Variants in ASTN2 observed in about 807,000 individuals in gnomAD.
The protein encoded by ASTN2 is astrotactin-2.
Under a neutral mutation model 139.8 loss-of-function variants are expected in ASTN2, and 54 were observed. That is an observed-to-expected ratio of 0.39 (90% CI 0.31 to 0.48). The LOEUF (loss-of-function observed/expected upper bound fraction) is 0.48. ASTN2 is among the 20% of genes least tolerant of loss of function. ASTN2 has a pLI of 0.95. For synonymous variants in ASTN2, 756 were observed against 719.5 expected (o/e 1.05, Z -0.81); for missense variants, 1,565 against 1,725.1 (o/e 0.91, Z 1.64).
At chr9:116,679,483 G>C (rs11791734) in intron 16 of ASTN2, among the ~76,000 whole-genome samples, 1 of 152,074 alleles carries the variant, frequency 6.6e-6, no homozygotes, top group Non-Finnish European at 1.5e-5. Context: ...ATATGACTTA[G>C]TATATGTTAT....
chr9:117,191,352 A>C (rs1831343985), intron 3 of ASTN2, among the ~76,000 whole-genome samples: 1 of 152,186 alleles, frequency 6.6e-6, no homozygotes, highest in Admixed American at 6.5e-5. Flanking sequence ...TGCAAGATAG[A>C]AAACAATAAT....
At chr9:117,326,613 T>C (rs918459020) in intron 1 of ASTN2, among the ~76,000 whole-genome samples, 3 of 152,154 alleles carry the variant, frequency 2.0e-5, no homozygotes, top group Non-Finnish European at 4.4e-5. Context: ...CTTGCTTTGA[T>C]AGAAGAATCA....
intron 2 of ASTN2, among the ~76,000 whole-genome samples, chr9:117,284,403 C>A (rs973058583): frequency 6.6e-6 from 1 of 152,240 alleles, no homozygotes; most frequent in African/African-American, 2.4e-5. Context: ...CCGCACCTGG[C>A]CTCTGGTGTC....
intron 10 of ASTN2, among the ~76,000 whole-genome samples, chr9:116,961,451 A>T (rs1161382677): frequency 2.6e-5 from 4 of 152,174 alleles, no homozygotes; most frequent in African/African-American, 9.7e-5. Flanking sequence ...AGTACCTCAT[A>T]TAAGTGGAAT....
chr9:117,220,859 T>C (rs1410282179), intron 2 of ASTN2, among the ~76,000 whole-genome samples: 1 of 152,186 alleles, frequency 6.6e-6, no homozygotes, highest in Non-Finnish European at 1.5e-5. Flanking sequence ...CATTCAGCTG[T>C]CTAAGCTTGG....
chr9:117,334,299 G>A (rs1828805507), intron 1 of ASTN2, among the ~76,000 whole-genome samples: 1 of 152,120 alleles, frequency 6.6e-6, no homozygotes, highest in Admixed American at 6.5e-5. Context: ...TGTAGGAACT[G>A]TCCATGGTGG....
At chr9:117,296,295 AAAAAAAAAGAAAGAAAG>A (rs1834734003) in intron 1 of ASTN2, among the ~76,000 whole-genome samples, 1 of 149,452 alleles carries the variant, frequency 6.7e-6, no homozygotes, top group Non-Finnish European at 1.5e-5. Flanking sequence ...AAAAAAAAAA[AAAAAAAAAGAAAGAAAG>A]AAAGAAAGAA....
chr9:117,149,992 G>T (rs1029942238), intron 3 of ASTN2, among the ~76,000 whole-genome samples: 3 of 152,204 alleles, frequency 2.0e-5, no homozygotes, highest in Admixed American at 2.0e-4. Flanking sequence ...GGAAAACTTG[G>T]GAATAGCCTT....
intron 16 of ASTN2, among the ~76,000 whole-genome samples, chr9:116,682,646 A>G (rs1207260385): frequency 6.6e-6 from 1 of 152,212 alleles, no homozygotes; most frequent in African/African-American, 2.4e-5. Flanking sequence ...ACAATGATAG[A>G]CTGGATTAAG....
intron 3 of ASTN2, among the ~76,000 whole-genome samples, chr9:117,144,101 G>T (rs1251177663): frequency 2.6e-5 from 4 of 152,166 alleles, no homozygotes; most frequent in South Asian, 2.1e-4. Context: ...TTATAAACAG[G>T]GTAAGAAAGA....
At chr9:117,119,902 T>C (rs1018180620) in intron 4 of ASTN2, among the ~76,000 whole-genome samples, 1 of 151,170 alleles carries the variant, frequency 6.6e-6, no homozygotes, top group African/African-American at 2.4e-5. Context: ...AATAGCACTA[T>C]AGCACTAGAA....
intron 3 of ASTN2, among the ~76,000 whole-genome samples, chr9:117,169,959 C>A (rs1463265661): frequency 6.6e-6 from 1 of 152,098 alleles, no homozygotes; most frequent in African/African-American, 2.4e-5. Context: ...GAGAGCAGCT[C>A]TGGGATCTGG....
At chr9:117,129,926 C>A (rs1361750979) in intron 4 of ASTN2, among the ~76,000 whole-genome samples, 2 of 151,784 alleles carry the variant, frequency 1.3e-5, no homozygotes, top group African/African-American at 4.8e-5. Flanking sequence ...TATATTTTTC[C>A]TTTCCCTTTC....
chr9:116,825,345 A>C (rs1275718674), intron 11 of ASTN2, among the ~76,000 whole-genome samples: 1 of 152,226 alleles, frequency 6.6e-6, no homozygotes, highest in Non-Finnish European at 1.5e-5. Flanking sequence ...ATCTGGCTTT[A>C]GACCTGGTAC....
intron 12 of ASTN2, among the ~76,000 whole-genome samples, chr9:116,817,456 G>A (rs533883787): frequency 6.6e-6 from 1 of 152,316 alleles, no homozygotes; most frequent in Non-Finnish European, 1.5e-5. Flanking sequence ...AGGGACAAAT[G>A]GGAGTCAGTG....
At chr9:116,725,605 C>G (rs1001129025) in intron 16 of ASTN2, among the ~76,000 whole-genome samples, 166 bp downstream of exon 16, 1 of 152,080 alleles carries the variant, frequency 6.6e-6, no homozygotes, top group African/African-American at 2.4e-5. Flanking sequence ...CTCACTCTGC[C>G]CATGGTGAAA....
chr9:117,195,502 G>A (rs1254507220), intron 3 of ASTN2, among the ~76,000 whole-genome samples: 1 of 152,118 alleles, frequency 6.6e-6, no homozygotes, highest in East Asian at 1.9e-4. Context: ...AGACCAATAA[G>A]TAGGTATGTG....
intron 2 of ASTN2, among the ~76,000 whole-genome samples, chr9:117,226,219 G>C (rs7043970): frequency 0.45 from 68,039 of 152,042 alleles, 15,847 homozygotes; most frequent in African/African-American, 0.54. Flanking sequence ...TGGATAATCA[G>C]CTAAACTGTG....
At chr9:116,441,184 T>C (rs556100508) in intron 21 of ASTN2, among the ~76,000 whole-genome samples, 1 of 152,264 alleles carries the variant, frequency 6.6e-6, no homozygotes, top group East Asian at 1.9e-4. Flanking sequence ...TATTTCCCCT[T>C]TGTTGTATTT....
Sources: gnomAD v4.1 joint callset for allele counts (sites outside exome capture counted in the v4.1 genomes callset) on GRCh38, gnomAD v4.1.1 for gene constraint, MANE v1.5 for transcripts, NCBI Gene and HGNC (gene_info 2026-07-23, HGNC 2026-07-21) for gene names.